Variants in GALK2 observed in about 807,000 individuals in gnomAD.
The protein encoded by GALK2 is N-acetylgalactosamine kinase.
In GALK2, 36 loss-of-function variants were observed where a neutral mutation model predicts 52.4. That is an observed-to-expected ratio of 0.69 (90% confidence interval 0.53 to 0.91). GALK2 has a LOEUF of 0.91. Ranked by LOEUF, GALK2 falls within the 40% of genes least tolerant of loss-of-function variation. The probability of loss-of-function intolerance (pLI) is 0.00; values close to 1 mark genes in which losing one functional copy is unlikely to be tolerated. For missense variants in GALK2, 579 were observed against 559.1 expected, an observed-to-expected ratio of 1.04 and a Z score of -0.36; for synonymous variants, 176 against 199.1, an observed-to-expected ratio of 0.88 and a Z score of 0.98.
intron 1 of GALK2, among the ~76,000 whole-genome samples, chr15:49,175,993 T>C (rs931515859): frequency 1.3e-5 from 2 of 152,236 alleles, no homozygotes; most frequent in Non-Finnish European, 2.9e-5. Context: ...GCTCGGCTCT[T>C]GAGACAGGAG....
intron 3 of GALK2, among the ~76,000 whole-genome samples, chr15:49,350,843 G>A (rs1020601182): frequency 6.6e-6 from 1 of 152,164 alleles, no homozygotes; most frequent in Non-Finnish European, 1.5e-5. Flanking sequence ...GCCAATGGTA[G>A]GGATAAATGG....
intron 5 of GALK2, among the ~76,000 whole-genome samples, chr15:49,249,854 C>T (rs1421051796): frequency 6.6e-6 from 1 of 152,196 alleles, no homozygotes; most frequent in Non-Finnish European, 1.5e-5. Context: ...AGGTTATAGC[C>T]TGTTCCTCTT....
chr15:49,183,287 A>G (rs28888211), intron 1 of GALK2, among the ~76,000 whole-genome samples: 147,005 of 152,206 alleles, frequency 0.97, 71,200 homozygotes, highest in Middle Eastern at 1. Context: ...CTTTTTTGAC[A>G]TGGGCATTTA....
chr15:49,277,611 C>G (rs1328587209), intron 5 of GALK2, among the ~76,000 whole-genome samples: 1 of 148,902 alleles, frequency 6.7e-6, no homozygotes, highest in Non-Finnish European at 1.5e-5. Context: ...TCCTGGCTAA[C>G]ACAGTGAAAC....
chr15:49,311,059 AT>A (rs993133439), intron 8 of GALK2, among the ~76,000 whole-genome samples: 6 of 152,068 alleles, frequency 3.9e-5, no homozygotes, highest in Non-Finnish European at 5.9e-5. Context: ...TCTTAAGTTG[AT>A]TTTTTTATAT....
rs549883712 is a variant in GALK2 at position 49,344,603 on chromosome 15, G to A, written c.427-22888G>A. 2.0e-5 allele frequency among the ~76,000 whole-genome samples: 3 copies of A among 152,292 alleles called. No homozygotes were observed. The East Asian group carries it at 5.8e-4, about 29-fold the overall frequency. On this transcript the variant is annotated intron_variant, in intron 3 of 3. Coordinates refer to the GALK2 transcript ENST00000558399. ...TCCCTCTGAATTCGAAGGAAAGATA[G>A]CCCTGGTCTTGCTTAGCTTGGACTT...
Position 49,331,677 on chromosome 15 carries a change from G to A in GALK2, c.*3518G>A. 3 of 720,394 alleles carry A rather than the reference G, an allele frequency of 4.2e-6. No homozygotes were observed. The highest frequency in any genetic ancestry group is 2.6e-5 in the East Asian group (1 of 38,886). The allele number at this position is 720,394 out of a possible 1,614,324, so 44.6% of individuals were successfully genotyped here. A position where few individuals can be genotyped will look rare whatever the true frequency, so the allele number is the denominator to read the frequency against. ...CAAGAATGTATCCTCTCCTGCCACT[G>A]TAATTTGGGTGTGCCACCATACATT... On this transcript the variant is annotated 3_prime_UTR_variant, in exon 10 of 10. Coordinates refer to ENST00000560031, the MANE Select transcript of GALK2 (RefSeq NM_002044.4).
At chr15:49,261,830 T>C (rs1190003118) in intron 5 of GALK2, among the ~76,000 whole-genome samples, 2 of 152,134 alleles carry the variant, frequency 1.3e-5, no homozygotes, top group African/African-American at 2.4e-5. Flanking sequence ...GATAATCATG[T>C]GGTTTTTGTC....
chr15:49,343,716 T>A (rs930143237), intron 3 of GALK2: 4 of 152,186 alleles, frequency 2.6e-5, no homozygotes, highest in African/African-American at 9.7e-5. Flanking sequence ...AATGGCCAAT[T>A]TATCCACTGG....
Position 49,163,502 on chromosome 15 carries a change from G to A in GALK2, c.20+7486G>A, listed in dbSNP as rs533947127. On this transcript the variant is annotated intron_variant, in intron 1 of 9. Transcript: ENST00000327171. Reference sequence around the variant, plus strand: ...GCGATCCATTTCAAATTTAATTTTCGTGTATAGTGTGAATGAATGTGGAGG... The same window carrying A: ...GCGATCCATTTCAAATTTAATTTTCATGTATAGTGTGAATGAATGTGGAGG... 1.1e-3 allele frequency among the ~76,000 whole-genome samples: 164 copies of A among 152,122 alleles called. No homozygotes were observed. The South Asian group carries it at 0.016, about 15-fold the overall frequency.
chr15:49,266,975 G>A (rs2092382195), intron 5 of GALK2, among the ~76,000 whole-genome samples: 1 of 152,124 alleles, frequency 6.6e-6, no homozygotes, highest in Admixed American at 6.6e-5. Flanking sequence ...AGTAGTGGCT[G>A]GGACCTGGGA....
chr15:49,234,989 A>T (rs944233908), intron 3 of GALK2, among the ~76,000 whole-genome samples: 1 of 151,752 alleles, frequency 6.6e-6, no homozygotes. Flanking sequence ...CTTGTCTCGA[A>T]CTCCTGAACT....
At chr15:49,271,758 A>G (rs1414403756) in intron 5 of GALK2, among the ~76,000 whole-genome samples, 1 of 152,210 alleles carries the variant, frequency 6.6e-6, no homozygotes. Flanking sequence ...GGCTACAGAA[A>G]TCATACCAAG....
At chr15:49,275,112 G>A (rs1382139264) in intron 5 of GALK2, among the ~76,000 whole-genome samples, 1 of 152,102 alleles carries the variant, frequency 6.6e-6, no homozygotes, top group Admixed American at 6.5e-5. Flanking sequence ...TTATATGACT[G>A]GCAGTGCAGT....
chr15:49,251,036 G>T (rs1255844330), intron 5 of GALK2, among the ~76,000 whole-genome samples: 1 of 152,056 alleles, frequency 6.6e-6, no homozygotes, highest in African/African-American at 2.4e-5. Flanking sequence ...CGAAAACAAA[G>T]AACACTTCCC....
chr15:49,198,965 T>C, intron 1 of GALK2: 1 of 151,876 alleles, frequency 6.6e-6, no homozygotes, highest in East Asian at 1.9e-4. Flanking sequence ...ATCTTGCCGT[T>C]GATCAGTGCG....
At chr15:49,268,016 G>C (rs2092414062) in intron 5 of GALK2, among the ~76,000 whole-genome samples, 1 of 152,192 alleles carries the variant, frequency 6.6e-6, no homozygotes. Context: ...TCATTTATCA[G>C]GGGAAGATTT....
chr15:49,332,199 G>A (rs1052758588), downstream of GALK2, among the ~76,000 whole-genome samples: 4 of 152,152 alleles, frequency 2.6e-5, no homozygotes, highest in Non-Finnish European at 4.4e-5. Flanking sequence ...CACCCACTGT[G>A]TGGTTCTCAT....
At chr15:49,270,487 G>A (rs2030330149) in intron 5 of GALK2, among the ~76,000 whole-genome samples, 1 of 152,200 alleles carries the variant, frequency 6.6e-6, no homozygotes, top group African/African-American at 2.4e-5. Context: ...ACAAATGCAA[G>A]AGTGGTGTTC....
Sources: allele counts gnomAD v4.1 joint callset (sites outside exome capture counted in the v4.1 genomes callset), GRCh38; gene constraint gnomAD v4.1.1; transcripts MANE v1.5; gene names NCBI Gene and HGNC (gene_info 2026-07-23, HGNC 2026-07-21).